The following ZP2 variants were observed in gnomAD, a reference collection of about 807,000 sequenced individuals.
ZP2 encodes zona pellucida glycoprotein 2, also known as zona pellucida sperm-binding protein 2.
ZP2 carries 51 observed loss-of-function variants against 84.0 expected under a neutral mutation model. That is an observed-to-expected ratio of 0.61 (90% CI 0.49 to 0.77). ZP2 has a LOEUF of 0.77. ZP2 is among the 30% of genes least tolerant of loss of function. ZP2 has a pLI of 0.00. For synonymous variants in ZP2, 375 were observed against 330.9 expected (o/e 1.13, Z -1.45); for missense variants, 909 against 911.9 (o/e 1.00, Z 0.04).
At chr16:21,203,760 C>T (rs2093236802) in intron 9 of ZP2, 1 of 513,680 alleles carries the variant, frequency 1.9e-6, no homozygotes, top group Non-Finnish European at 3.5e-6. Flanking sequence ...GTTGCTACTA[C>T]TCAGTTGGGG....
intron 7 of ZP2, among the ~76,000 whole-genome samples, chr16:21,204,660 A>G (rs1429522556): frequency 6.6e-6 from 1 of 152,238 alleles, no homozygotes; most frequent in Non-Finnish European, 1.5e-5. Flanking sequence ...TCCTTACCCC[A>G]TATGACTATT....
chr16:21,201,282 T>C, intron 14 of ZP2, 87 bp downstream of exon 14: 1 of 1,199,090 alleles, frequency 8.3e-7, no homozygotes, highest in Non-Finnish European at 1.1e-6. Context: ...GACTGAATGC[T>C]GCTCTAAAGC....
chr16:21,199,594 G>T lies in ZP2; in HGVS notation c.1903C>A (p.Pro635Thr), dbSNP rs1436616554. The change falls in exon 16 of 19, where the codon CCT becomes ACT. Residue 635 changes from proline to threonine, a missense_variant. Physicochemically the swap from Pro to Thr is conservative, Grantham distance 38. Coordinates refer to ENST00000574091, the MANE Select transcript of ZP2 (RefSeq NM_001376232.1). ...CCTCGCCTGTGCCTAGAGGACACAG[G>T]GCAGGTCACAGAACACAGTGGGGAG... Reference protein sequence around the residue: ...PDSPLCSVTCPVSSRHRRATG... With the variant: ...PDSPLCSVTCTVSSRHRRATG... 3.7e-6 allele frequency: 6 copies of T among 1,612,894 alleles called. No individual in the cohort carries two copies. Among genetic ancestry groups the T allele is most frequent in the Non-Finnish European group, 5.1e-6 (6 of 1,179,558 alleles).
chr16:21,204,043 AGAG>A lies in ZP2; in HGVS notation c.956_958del (p.Thr319_Leu320delinsMet), dbSNP rs750468974. The stretch of plus-strand genomic sequence containing the variant: ...AATTGAACATACTTTCGTTTTGAGC[AGAG>A]TTTTGCTGAAATGCAATTTCATGCC... On this transcript the variant is annotated inframe_deletion, in exon 9 of 19. Transcript: ENST00000574091. 6.2e-7 allele frequency: 1 copy of A among 1,613,620 alleles called. No individual in the cohort carries two copies. The highest frequency in any genetic ancestry group is 2.2e-5 in the East Asian group (1 of 44,882).
rs951646086 is a variant in ZP2 at position 21,211,516 on chromosome 16, C to T, written c.32G>A (p.Ser11Asn). Residue 11 changes from serine (S) to asparagine (N), a missense_variant, in exon 1 of 19, where the codon AGT (serine) becomes AAT (asparagine). Ser to Asn is a conservative substitution (Grantham distance 46). Transcript: ENST00000574091. MACRQRGGSW[S>N]PSGWFNAGWS... Reference sequence around the variant, plus strand: ...GCCTGCATTGAACCAGCCTGAGGGACTCCAAGAGCCTCCTCTCTGCCTGCA... The same window carrying T: ...GCCTGCATTGAACCAGCCTGAGGGATTCCAAGAGCCTCCTCTCTGCCTGCA... 3.1e-6 allele frequency: 5 copies of T among 1,614,228 alleles called. No homozygotes were observed. Among genetic ancestry groups the T allele is most frequent in the Non-Finnish European group, 4.2e-6 (5 of 1,180,044 alleles).
chr16:21,198,979 T>A (rs2093212206), intron 16 of ZP2, 117 bp from the exon 17 acceptor site: 1 of 978,752 alleles, frequency 1.0e-6, no homozygotes, highest in East Asian at 2.6e-5. Context: ...TGGTTTGTCT[T>A]GCCTTTGCAG....
intron 10 of ZP2, among the ~76,000 whole-genome samples, chr16:21,202,627 T>C (rs1357990496): frequency 6.6e-6 from 1 of 152,198 alleles, no homozygotes; most frequent in African/African-American, 2.4e-5. Flanking sequence ...ACAGCGCCTA[T>C]GTTATTGTAT....
rs190164659 is a variant in ZP2 at position 21,197,768 on chromosome 16, C to G, written c.2093G>C (p.Arg698Pro). The stretch of plus-strand genomic sequence containing the variant: ...TTTGCAACATTGAATAAACTTACCT[C>G]GTGAGCCAACCTCCTCCCCTGTTTC... ...RSETGEEVGS[R>P]GAMDTKGHKT... Residue 698 changes from arginine (R) to proline (P), a missense_variant and splice_region_variant, in exon 18 of 19, where the codon CGA (arginine) becomes CCA (proline). By Grantham distance (103) the Arg-to-Pro change is moderately radical. Transcript: ENST00000574091. 9 of 1,614,172 alleles carry G rather than the reference C, an allele frequency of 5.6e-6. No homozygotes were observed. In the South Asian group the frequency reaches 6.6e-5, roughly 12 times the overall value.
Position 21,209,672 on chromosome 16 carries a change from G to A in ZP2, c.289C>T (p.Leu97Phe). The change falls in exon 4 of 19, where the codon CTC becomes TTC. Residue 97 changes from leucine (L) to phenylalanine (F), a missense_variant. Transcript: ENST00000574091. Reference sequence around the variant, plus strand: ...TTATCATAGGTAGCCCTCAGGGTGAGCTTTTCTGGGTCCAGGATGTAAGTG... The same window carrying A: ...TTATCATAGGTAGCCCTCAGGGTGAACTTTTCTGGGTCCAGGATGTAAGTG... ...NCTYILDPEK[L>F]TLRATYDNCT... 2 of 1,614,184 alleles carry A rather than the reference G, an allele frequency of 1.2e-6. No homozygotes were observed. The highest frequency in any genetic ancestry group is 1.7e-6 in the Non-Finnish European group (2 of 1,180,014).
chr16:21,199,318 CAAAAAAAA>C (rs10644558), intron 16 of ZP2, among the ~76,000 whole-genome samples: 13 of 45,714 alleles, frequency 2.8e-4, no homozygotes, highest in African/African-American at 1.4e-3. Context: ...AAAACTGTCT[CAAAAAAAA>C]AAAAAAAAAA....
At chr16:21,213,774 A>G (rs2093282780), upstream of ZP2, among the ~76,000 whole-genome samples, 2 of 152,138 alleles carry the variant, frequency 1.3e-5, no homozygotes. Flanking sequence ...GAGATGGTAA[A>G]AGGATTTCAT....
rs764314189 is a variant in ZP2 at position 21,197,867 on chromosome 16, GT to G, written c.2012-19del. 8.1e-6 allele frequency: 13 copies of G among 1,612,446 alleles called. No homozygotes were observed. The Admixed American group carries it at 1.2e-4, about 14-fold the overall frequency. Reference sequence around the variant, plus strand: ...GCCGACACCTGGGAAGAACCTGAGAGTTTAGTACAACATCTTCATGCTAGTC... The same window carrying G: ...GCCGACACCTGGGAAGAACCTGAGAGTTAGTACAACATCTTCATGCTAGTC... On this transcript the variant is annotated intron_variant, in intron 17 of 18. Coordinates refer to ENST00000574091, the MANE Select transcript of ZP2 (RefSeq NM_001376232.1).
At position 21,201,801 on chromosome 16, in the gene ZP2, T is replaced by C. The variant is rs577972638; in HGVS notation, c.1409A>G (p.Asn470Ser). 2 of 1,614,150 alleles carry C rather than the reference T, an allele frequency of 1.2e-6. No individual in the cohort carries two copies. The highest frequency in any genetic ancestry group is 2.2e-5 in the East Asian group (1 of 44,890). Residue 470 changes from asparagine to serine, a missense_variant, in exon 13 of 19, where the codon AAT becomes AGT. Transcript: ENST00000574091. Reference protein sequence around the residue: ...RMTVKCSYSRNDMLLNINVES... With the variant: ...RMTVKCSYSRSDMLLNINVES... Reference sequence around the variant, plus strand: ...AACGTTGATGTTTAGTAGCATGTCATTCCTGCTATAAGAACACTTCACTGT... The same window carrying C: ...AACGTTGATGTTTAGTAGCATGTCACTCCTGCTATAAGAACACTTCACTGT...
chr16:21,201,535 C>T lies in ZP2; in HGVS notation c.1528G>A (p.Gly510Arg). The part of the protein sequence containing the change: ...YPDNSYQQPY[G>R]ENEYPLVRFL... Reference sequence around the variant, plus strand: ...CTCACTAGAGGGTACTCGTTTTCCCCATAAGGTTGTTGGTAGGAATTATCT... The same window carrying T: ...CTCACTAGAGGGTACTCGTTTTCCCTATAAGGTTGTTGGTAGGAATTATCT... Residue 510 changes from glycine to arginine, a missense_variant, in exon 14 of 19, where the codon GGG becomes AGG. Physicochemically the swap from Gly to Arg is moderately radical, Grantham distance 125 (BLOSUM62 -2). Transcript: ENST00000574091. 2 of 1,609,732 alleles carry T rather than the reference C, an allele frequency of 1.2e-6. No individual in the cohort carries two copies. The highest frequency in any genetic ancestry group is 2.2e-5 in the East Asian group (1 of 44,818).
intron 5 of ZP2, 34 bp from the exon 6 acceptor site, chr16:21,205,809 T>C (rs563485522): frequency 1.2e-6 from 2 of 1,611,296 alleles, no homozygotes; most frequent in African/African-American, 1.3e-5. Context: ...AAGACTTTGA[T>C]TTGGAGGTAG....
At chr16:21,203,389 A>G in intron 9 of ZP2, 138 bp from the exon 10 acceptor site, 1 of 1,119,868 alleles carries the variant, frequency 8.9e-7, no homozygotes, top group Non-Finnish European at 1.3e-6. Flanking sequence ...CCAAAACAAG[A>G]GAGACCCTAT....
intron 2 of ZP2, 124 bp downstream of exon 2, chr16:21,211,183 C>T: frequency 1.2e-6 from 1 of 815,254 alleles, no homozygotes; most frequent in East Asian, 2.4e-5. Flanking sequence ...AGTAACCTGA[C>T]CAAGGTAATA....
Position 21,204,147 on chromosome 16 carries a change from C to T in ZP2, c.855G>A (p.Lys285=). 1 of 1,614,184 alleles carries T rather than the reference C, an allele frequency of 6.2e-7. No homozygotes were observed. The highest frequency in any genetic ancestry group is 8.5e-7 in the Non-Finnish European group (1 of 1,180,028). The change falls in exon 9 of 19, where the codon AAG becomes AAA. Residue 285 remains lysine, a synonymous_variant. Coordinates refer to ENST00000574091, the MANE Select transcript of ZP2 (RefSeq NM_001376232.1). ...LTIPEFPGKL[K]SVSFENQNID... ...TGTTCTGGTTTTCAAAGCTCACAGA[C>T]TTAAGCTTCCCAGGAAACTCTGGTA...
chr16:21,210,488 G>A (rs757510193), intron 2 of ZP2, among the ~76,000 whole-genome samples: 9 of 152,154 alleles, frequency 5.9e-5, no homozygotes. Context: ...GCAGATGGAG[G>A]CAGGCCCGAA....
Sources: allele counts gnomAD v4.1 joint callset (sites outside exome capture counted in the v4.1 genomes callset), GRCh38; gene constraint gnomAD v4.1.1; transcripts MANE v1.5; gene names NCBI Gene and HGNC (gene_info 2026-07-23, HGNC 2026-07-21).